Variants in NEDD4L observed in about 807,000 individuals in gnomAD.
The protein encoded by NEDD4L is E3 ubiquitin-protein ligase NEDD4-like.
A neutral mutation model predicts 148.9 loss-of-function variants in NEDD4L; 54 were observed. The ratio of observed to expected loss-of-function variants is 0.36; its 90% CI spans 0.29 to 0.45. The LOEUF (loss-of-function observed/expected upper bound fraction) is 0.45. NEDD4L is among the 20% of genes least tolerant of loss of function. The probability of loss-of-function intolerance (pLI) is 1.00; values close to 1 mark genes in which losing one functional copy is unlikely to be tolerated. For synonymous variants in NEDD4L, 433 were observed against 440.7 expected, an observed-to-expected ratio of 0.98 and a Z score of 0.22; for missense variants, 856 against 1,233.8, an observed-to-expected ratio of 0.69 and a Z score of 4.59.
chr18:58,089,097 G>C (rs10503021), intron 1 of NEDD4L, among the ~76,000 whole-genome samples: 12,838 of 141,490 alleles, frequency 0.091, 673 homozygotes, highest in Admixed American at 0.16. Flanking sequence ...TATGTACCAC[G>C]TTTCTACCCA....
chr18:58,373,972 T>A (rs1208185142), intron 24 of NEDD4L, among the ~76,000 whole-genome samples: 1 of 152,218 alleles, frequency 6.6e-6, no homozygotes, highest in Non-Finnish European at 1.5e-5. Context: ...GTGTTCTCAA[T>A]GTATTCTCTG....
intron 1 of NEDD4L, among the ~76,000 whole-genome samples, chr18:58,119,669 C>T (rs1362950954): frequency 1.3e-5 from 2 of 152,200 alleles, no homozygotes; most frequent in Admixed American, 1.3e-4. Context: ...AGTTTGCAGC[C>T]CCTGCTGGAC....
chr18:58,259,528 G>T (rs1277254097), intron 5 of NEDD4L, among the ~76,000 whole-genome samples: 1 of 152,108 alleles, frequency 6.6e-6, no homozygotes, highest in East Asian at 1.9e-4. Flanking sequence ...TGCCCCCTTT[G>T]TATGCCATTT....
chr18:58,339,039 CAG>C (rs2042114646), intron 13 of NEDD4L, among the ~76,000 whole-genome samples: 1 of 151,978 alleles, frequency 6.6e-6, no homozygotes, highest in Non-Finnish European at 1.5e-5. Flanking sequence ...GTGTCCTTTC[CAG>C]AGATTGAGTA....
chr18:58,261,652 A>G (rs2049400325), intron 5 of NEDD4L, among the ~76,000 whole-genome samples: 1 of 152,206 alleles, frequency 6.6e-6, no homozygotes, highest in African/African-American at 2.4e-5. Flanking sequence ...ACTTTATGTA[A>G]AAACTACCTT....
chr18:58,081,584 G>A (rs57236367), intron 1 of NEDD4L, among the ~76,000 whole-genome samples: 11,571 of 152,096 alleles, frequency 0.076, 536 homozygotes, highest in East Asian at 0.17. Flanking sequence ...GAACACTTTA[G>A]GAAATCTGGA....
chr18:58,132,842 A>C (rs2032345805), intron 1 of NEDD4L, among the ~76,000 whole-genome samples: 1 of 152,222 alleles, frequency 6.6e-6, no homozygotes, highest in African/African-American at 2.4e-5. Context: ...AACAAAGTTC[A>C]AATGCAATGG....
chr18:58,123,840 C>G (rs1464508552), intron 1 of NEDD4L, among the ~76,000 whole-genome samples: 5 of 152,178 alleles, frequency 3.3e-5, no homozygotes, highest in African/African-American at 4.8e-5. Flanking sequence ...TTCCCCAGCT[C>G]CTGTCTCACT....
At chr18:58,072,104 A>G (rs372481616) in intron 1 of NEDD4L, among the ~76,000 whole-genome samples, 94 of 152,354 alleles carry the variant, frequency 6.2e-4, no homozygotes, top group African/African-American at 2.1e-3. Context: ...GAATAGGCCA[A>G]TAACAGGTAA....
At chr18:58,091,251 G>A (rs2084054388) in intron 1 of NEDD4L, 1 of 152,236 alleles carries the variant, frequency 6.6e-6, no homozygotes, top group African/African-American at 2.4e-5. Context: ...CTTTCCTAAA[G>A]TGTGGTGACC....
chr18:58,061,886 A>G (rs1234232094), intron 1 of NEDD4L, among the ~76,000 whole-genome samples: 15 of 151,976 alleles, frequency 9.9e-5, no homozygotes, highest in Non-Finnish European at 1.2e-4. Flanking sequence ...AGAATGATAT[A>G]TAGCTCTAAA....
intron 1 of NEDD4L, among the ~76,000 whole-genome samples, chr18:58,116,480 A>G (rs1292439681): frequency 6.6e-6 from 1 of 152,174 alleles, no homozygotes; most frequent in East Asian, 1.9e-4. Context: ...GGAATTTGCA[A>G]TTTAAAATAA....
chr18:58,256,023 C>T lies in NEDD4L; in HGVS notation c.297+3969C>T. On this transcript the variant is annotated intron_variant, in intron 5 of 30. Transcript: ENST00000400345. This position sits in a 1 kb window ranked among gnomAD's most constrained non-coding sequence, Gnocchi z 5.2. ...GCAACGCCCGACCCCAGGGACCAGG[C>T]CTCCGCCACTGCCACCACGAGGGCC... 1 of 1,230,126 alleles carries T rather than the reference C, an allele frequency of 8.1e-7. No homozygotes were observed. Among genetic ancestry groups the T allele is most frequent in the Non-Finnish European group, 1.0e-6 (1 of 986,920 alleles). The allele number at this position is 1,230,126 out of a possible 1,614,324, so 76.2% of individuals were successfully genotyped here.
At chr18:58,214,965 C>G (rs560734174) in intron 2 of NEDD4L, among the ~76,000 whole-genome samples, 2 of 151,998 alleles carry the variant, frequency 1.3e-5, no homozygotes, top group South Asian at 4.2e-4. Flanking sequence ...GCATGCACCA[C>G]CATGCCTGGC....
chr18:58,173,296 C>G (rs2037724013), intron 2 of NEDD4L, among the ~76,000 whole-genome samples: 1 of 152,168 alleles, frequency 6.6e-6, no homozygotes, highest in Admixed American at 6.5e-5. Flanking sequence ...TTTCTTAAAA[C>G]TTAGCAATGT....
At chr18:58,110,755 T>C (rs1021194361) in intron 1 of NEDD4L, among the ~76,000 whole-genome samples, 4 of 152,242 alleles carry the variant, frequency 2.6e-5, no homozygotes, top group Non-Finnish European at 5.9e-5. Context: ...GACCAAACCT[T>C]GCTCATTTTC....
chr18:58,374,546 G>T (rs978001888), intron 24 of NEDD4L, among the ~76,000 whole-genome samples: 7 of 151,388 alleles, frequency 4.6e-5, no homozygotes. Flanking sequence ...TCTCCTGCAC[G>T]GGGACCTTGT....
In NEDD4L at chr18:58,333,869, G is replaced by A; in HGVS notation, c.1042G>A (p.Ala348Thr). 2 of 1,613,380 alleles carry A rather than the reference G, an allele frequency of 1.2e-6. No individual in the cohort carries two copies. Among genetic ancestry groups the A allele is most frequent in the South Asian group, 1.1e-5 (1 of 90,918 alleles). ...GTCATGCAGTGTCACCGACGCAGTT[G>A]CAGAACAGGGCCATCTACCACCGGT... ...LRSCSVTDAV[A>T]EQGHLPPPSA... is the part of the protein sequence containing the mutation. The change falls in exon 12 of 31, where the codon GCA becomes ACA. Residue 348 changes from alanine (A) to threonine (T), a missense_variant. Transcript: ENST00000400345.
At chr18:58,155,160 G>C (rs2035312652) in intron 1 of NEDD4L, among the ~76,000 whole-genome samples, 1 of 151,552 alleles carries the variant, frequency 6.6e-6, no homozygotes, top group Admixed American at 6.6e-5. Flanking sequence ...CTTTCAAAGT[G>C]TTCTGTTGAA....
Sources: gnomAD v4.1 joint callset for allele counts (sites outside exome capture counted in the v4.1 genomes callset) on GRCh38, gnomAD v4.1.1 for gene constraint, Gnocchi (gnomAD v3.1) non-coding constraint, MANE v1.5 for transcripts, NCBI Gene and HGNC (gene_info 2026-07-23, HGNC 2026-07-21) for gene names.